The following PTPRZ1 variants were observed in gnomAD, a reference collection of about 807,000 sequenced individuals.
PTPRZ1 encodes the protein protein tyrosine phosphatase receptor type Z1, also known as receptor-type tyrosine-protein phosphatase zeta.
Under a neutral mutation model 214.1 loss-of-function variants are expected in PTPRZ1, and 82 were observed. The ratio of observed to expected loss-of-function variants is 0.38; its 90% confidence interval spans 0.32 to 0.46. PTPRZ1 has a LOEUF of 0.46. Ranked by LOEUF, PTPRZ1 falls within the 20% of genes least tolerant of loss-of-function variation. PTPRZ1 has a pLI of 1.00. For missense variants in PTPRZ1, 2,603 were observed against 2,748.7 expected (o/e 0.95, Z 1.19); for synonymous variants, 945 against 987.9 (o/e 0.96, Z 0.81).
intron 23 of PTPRZ1, among the ~76,000 whole-genome samples, chr7:122,048,972 C>G (rs1228597982): frequency 6.6e-6 from 1 of 152,046 alleles, no homozygotes; most frequent in Non-Finnish European, 1.5e-5. Context: ...ATCAGCAACT[C>G]AAATCCAGCA....
chr7:121,947,676 C>T (rs933453474), intron 2 of PTPRZ1, among the ~76,000 whole-genome samples: 3 of 152,148 alleles, frequency 2.0e-5, no homozygotes, highest in Non-Finnish European at 4.4e-5. Context: ...GCGGTTCTAA[C>T]TAAAATAAAT....
chr7:121,976,078 T>C (rs1041430046), intron 4 of PTPRZ1, 95 bp from the exon 5 acceptor site: 1 of 763,608 alleles, frequency 1.3e-6, no homozygotes, highest in Non-Finnish European at 2.1e-6. Context: ...ATGTAATTTA[T>C]AAAAGATTTT....
At position 122,040,774 on chromosome 7, in the gene PTPRZ1, G is replaced by C. The variant is rs1048087104; in HGVS notation, c.5638-42G>C. On this transcript the variant is annotated intron_variant, in intron 20 of 29. Transcript: ENST00000393386. ...TGTGTGTGTGTGTGTGTGTGTGTGT[G>C]TGTGTGTGTTTGACTGTTATTAACT... The C allele has an allele frequency of 2.6e-5, 25 of 973,834 alleles. No individual in the cohort carries two copies. In the South Asian group the frequency reaches 4.2e-4, roughly 16 times the overall value. 60.3% of individuals were successfully genotyped at this position (973,834 alleles called of 1,614,324 possible).
chr7:121,991,146 G>C (rs1584718669), intron 8 of PTPRZ1, among the ~76,000 whole-genome samples: 1 of 152,180 alleles, frequency 6.6e-6, no homozygotes, highest in South Asian at 2.1e-4. Context: ...GAATGGAAAA[G>C]TTAAAAATGG....
At chr7:121,873,673 G>A in intron 1 of PTPRZ1, 116 bp downstream of exon 1, 13 of 1,304,204 alleles carry the variant, frequency 1.0e-5, no homozygotes, top group East Asian at 4.8e-5. Flanking sequence ...GGAGGAAAAA[G>A]GGACAGCCAA....
intron 8 of PTPRZ1, among the ~76,000 whole-genome samples, chr7:121,993,334 G>A (rs1000407591): frequency 5.3e-5 from 8 of 151,704 alleles, no homozygotes; most frequent in African/African-American, 1.9e-4. Flanking sequence ...AGAGGATCAC[G>A]AGGTCAGGAG....
chr7:122,057,902 C>T (rs1792412534), intron 27 of PTPRZ1, among the ~76,000 whole-genome samples: 1 of 150,280 alleles, frequency 6.7e-6, no homozygotes, highest in African/African-American at 2.4e-5. Flanking sequence ...ACCCATTGTC[C>T]CACCATTATT....
chr7:122,045,597 G>A (rs962964755), intron 23 of PTPRZ1, among the ~76,000 whole-genome samples: 1 of 151,702 alleles, frequency 6.6e-6, no homozygotes, highest in Non-Finnish European at 1.5e-5. Context: ...GCCTTAGGGG[G>A]GAAAAGAGTA....
intron 24 of PTPRZ1, 28 bp from the exon 25 acceptor site, chr7:122,051,838 G>GT (rs1562883736): frequency 6.3e-7 from 1 of 1,593,778 alleles, no homozygotes; most frequent in Non-Finnish European, 8.6e-7. Context: ...GTTTTGTTTT[G>GT]TTTTACAATG....
chr7:122,009,600 T>C (rs1490934234), intron 11 of PTPRZ1, among the ~76,000 whole-genome samples: 1 of 151,952 alleles, frequency 6.6e-6, no homozygotes, highest in Non-Finnish European at 1.5e-5. Context: ...AGATTATGCT[T>C]AAAGCATAGG....
intron 1 of PTPRZ1, among the ~76,000 whole-genome samples, chr7:121,876,599 G>A (rs564830045): frequency 6.6e-6 from 1 of 152,096 alleles, no homozygotes; most frequent in African/African-American, 2.4e-5. Flanking sequence ...TTTATCCTCT[G>A]AAAACAAATT....
chr7:121,988,995 T>C (rs558420105), intron 8 of PTPRZ1, among the ~76,000 whole-genome samples: 1 of 152,282 alleles, frequency 6.6e-6, no homozygotes, highest in East Asian at 1.9e-4. Context: ...TATGACAGAA[T>C]TGTTATGAAA....
In PTPRZ1 at chr7:122,061,346, A is replaced by G; in HGVS notation, c.*126A>G. 1 of 960,698 alleles carries G rather than the reference A, an allele frequency of 1.0e-6. No homozygotes were observed. The highest frequency in any genetic ancestry group is 3.0e-5 in the East Asian group (1 of 33,846). 59.5% of individuals were successfully genotyped at this position (960,698 alleles called of 1,614,324 possible). A position where few individuals can be genotyped will look rare whatever the true frequency, so the allele number is the denominator to read the frequency against. On this transcript the variant is annotated 3_prime_UTR_variant, in exon 30 of 30. Coordinates refer to ENST00000393386, the MANE Select transcript of PTPRZ1 (RefSeq NM_002851.3). ...CACCTGACAGTAACTTTCATGACAT[A>G]GGATTCTGCCGCCAAATTTATATCA... is the stretch of plus-strand genomic sequence containing the variant.
At chr7:121,989,862 A>T (rs959279586) in intron 8 of PTPRZ1, among the ~76,000 whole-genome samples, 1 of 152,200 alleles carries the variant, frequency 6.6e-6, no homozygotes, top group Non-Finnish European at 1.5e-5. Context: ...CTGTAATTAC[A>T]CTACCCAGAG....
At chr7:121,998,315 T>C (rs1235335735) in intron 10 of PTPRZ1, among the ~76,000 whole-genome samples, 1 of 152,218 alleles carries the variant, frequency 6.6e-6, no homozygotes, top group Non-Finnish European at 1.5e-5. Context: ...TTGAGACTGT[T>C]ATTTTGGATA....
At position 121,958,609 on chromosome 7, in the gene PTPRZ1, T is replaced by G. The variant is rs139920824; in HGVS notation, c.125-9342T>G. ...CTCCCAGACCCATATTTTTTGTTGT[T>G]TAATGAACTTCCATTGAAATTTCCA... On this transcript the variant is annotated intron_variant, in intron 2 of 29. Coordinates refer to ENST00000393386, the MANE Select transcript of PTPRZ1 (RefSeq NM_002851.3). Among the ~76,000 whole-genome samples, 546 of 152,310 alleles carry G rather than the reference T, an allele frequency of 3.6e-3. 4 individuals carry two copies. The highest frequency in any genetic ancestry group is 0.013 in the African/African-American group (523 of 41,582).
chr7:121,989,106 C>T (rs1365349699), intron 8 of PTPRZ1, among the ~76,000 whole-genome samples: 1 of 152,096 alleles, frequency 6.6e-6, no homozygotes, highest in Non-Finnish European at 1.5e-5. Context: ...ATAATGAACA[C>T]CTAGCATATC....
chr7:122,050,381 T>A (rs868303418), intron 23 of PTPRZ1, among the ~76,000 whole-genome samples: 38 of 64,884 alleles, frequency 5.9e-4, no homozygotes, highest in African/African-American at 2.4e-3. Flanking sequence ...AGATTGAAGC[T>A]GCATGCACTC....
rs201796318 is a variant in PTPRZ1 at position 121,880,822 on chromosome 7, G to A, written c.58+7265G>A. Among the ~76,000 whole-genome samples, 3 of 152,094 alleles carry A rather than the reference G, an allele frequency of 2.0e-5. No homozygotes were observed. The East Asian group carries it at 5.8e-4, about 29-fold the overall frequency. ...TTTCTTGAATAGGATATGTCAAGGT[G>A]GTATTGTCTCAGCTGCTACACAGAG... On this transcript the variant is annotated intron_variant, in intron 1 of 29. Transcript: ENST00000393386.
Sources: allele counts gnomAD v4.1 joint callset (sites outside exome capture counted in the v4.1 genomes callset), GRCh38; gene constraint gnomAD v4.1.1; transcripts MANE v1.5; gene names NCBI Gene and HGNC (gene_info 2026-07-23, HGNC 2026-07-21).